Variants in RMND1 observed in about 807,000 individuals in gnomAD.
RMND1 encodes the protein required for meiotic nuclear division protein 1 homolog.
Under a neutral mutation model 54.0 loss-of-function variants are expected in RMND1, and 41 were observed. The ratio of observed to expected loss-of-function variants is 0.76; its 90% CI spans 0.59 to 0.98. The LOEUF (loss-of-function observed/expected upper bound fraction) is 0.98. Among genes scored for constraint, RMND1 ranks in the 50% least tolerant of loss-of-function variants. The pLI, the probability that RMND1 is intolerant of heterozygous loss-of-function variation, is 0.00. For missense variants in RMND1, 457 were observed against 532.0 expected, an observed-to-expected ratio of 0.86 and a Z score of 1.39; for synonymous variants, 183 against 181.7, an observed-to-expected ratio of 1.01 and a Z score of -0.06.
intron 2 of RMND1, among the ~76,000 whole-genome samples, chr6:151,437,337 T>TA (rs1780642711): frequency 6.6e-6 from 1 of 152,228 alleles, no homozygotes; most frequent in Non-Finnish European, 1.5e-5. Flanking sequence ...TTCTGTCACT[T>TA]ACATGTATCT....
chr6:151,443,635 C>T (rs1250071154), intron 2 of RMND1, among the ~76,000 whole-genome samples: 1 of 152,144 alleles, frequency 6.6e-6, no homozygotes, highest in Non-Finnish European at 1.5e-5. Context: ...TATTATTTCC[C>T]TGTGCTTTCA....
chr6:151,439,729 G>C (rs1019705024), intron 2 of RMND1, among the ~76,000 whole-genome samples: 3 of 152,066 alleles, frequency 2.0e-5, no homozygotes, highest in African/African-American at 7.2e-5. Context: ...GTGCAATCTT[G>C]GCTCATCACA....
chr6:151,407,143 G>T (rs1480375300), intron 10 of RMND1, among the ~76,000 whole-genome samples: 1 of 151,922 alleles, frequency 6.6e-6, no homozygotes, highest in African/African-American at 2.4e-5. Flanking sequence ...GCCAAAGTGA[G>T]ATCCTGTCTC....
At chr6:151,433,939 A>ACCCCCCCCC (rs143471784) in intron 3 of RMND1, among the ~76,000 whole-genome samples, 3 of 86,174 alleles carry the variant, frequency 3.5e-5, no homozygotes, top group Admixed American at 1.3e-4. Context: ...AACTCAAGGG[A>ACCCCCCCCC]CCCCCCCCCG....
intron 1 of RMND1, among the ~76,000 whole-genome samples, chr6:151,449,959 T>C (rs1207064014): frequency 6.6e-6 from 1 of 152,194 alleles, no homozygotes; most frequent in Admixed American, 6.5e-5. Context: ...TGCTCAATGG[T>C]GCACAGGCTG....
chr6:151,439,623 C>T (rs981877961), intron 2 of RMND1, among the ~76,000 whole-genome samples: 3 of 152,096 alleles, frequency 2.0e-5, no homozygotes, highest in African/African-American at 7.2e-5. Flanking sequence ...CTGTTAATGG[C>T]GGTGGCAGGC....
chr6:151,421,746 A>G (rs1371908715), intron 8 of RMND1, among the ~76,000 whole-genome samples: 2 of 152,180 alleles, frequency 1.3e-5, no homozygotes, highest in African/African-American at 4.8e-5. Context: ...ACTTTCTTAA[A>G]TCAGGAAAAG....
At chr6:151,416,420 C>CTTTTTTTTT (rs10557273) in intron 10 of RMND1, among the ~76,000 whole-genome samples, 1 of 93,706 alleles carries the variant, frequency 1.1e-5, no homozygotes, top group Non-Finnish European at 2.1e-5. Context: ...ATCACTACAG[C>CTTTTTTTTT]TTTTTTTTTT....
At chr6:151,447,408 C>T (rs555589651) in intron 1 of RMND1, among the ~76,000 whole-genome samples, 1 of 152,262 alleles carries the variant, frequency 6.6e-6, no homozygotes, top group South Asian at 2.1e-4. Context: ...GCTAAGTGCT[C>T]GGCTTCACCT....
intron 6 of RMND1, 138 bp from the exon 7 acceptor site, chr6:151,423,769 T>G: frequency 1.5e-6 from 1 of 657,816 alleles, no homozygotes; most frequent in Non-Finnish European, 2.7e-6. Flanking sequence ...TCTCATATCC[T>G]TTGGTCCAGG....
chr6:151,423,675 A>C, intron 6 of RMND1, 44 bp from the exon 7 acceptor site: 3 of 1,326,202 alleles, frequency 2.3e-6, no homozygotes, highest in Non-Finnish European at 3.3e-6. Context: ...CTTAAAAAGC[A>C]CTTTAACTTT....
chr6:151,410,180 G>A (rs1307055251), intron 10 of RMND1, among the ~76,000 whole-genome samples: 19 of 151,286 alleles, frequency 1.3e-4, no homozygotes, highest in Non-Finnish European at 1.3e-4. Context: ...TCAGCCTCCC[G>A]AGTAGCTGGG....
chr6:151,405,602 TAAC>T, intron 11 of RMND1, 115 bp downstream of exon 11: 1 of 644,760 alleles, frequency 1.6e-6, no homozygotes, highest in Non-Finnish European at 2.7e-6. Context: ...TTAGTAATGA[TAAC>T]AAAGTCAGCC....
chr6:151,414,855 A>G (rs1289341670), intron 10 of RMND1, among the ~76,000 whole-genome samples: 1 of 152,216 alleles, frequency 6.6e-6, no homozygotes, highest in Non-Finnish European at 1.5e-5. Context: ...TCCGTCAGAA[A>G]CCATGGAGGT....
rs528526150 is a variant in RMND1, at chr6:151,426,790, A to G, written c.830+692T>C. Among the ~76,000 whole-genome samples the G allele has an allele frequency of 5.3e-5, 8 of 151,624 alleles. No individual in the cohort carries two copies. The South Asian group carries it at 1.7e-3, about 32-fold the overall frequency. On this transcript the variant is annotated intron_variant, in intron 6 of 11. Transcript: ENST00000444024. ...AATCTTTTTCCTCTTTTTTTTTGAG[A>G]CGGAGTTTCACTCTTGTCACCCTGG...
At position 151,427,355 on chromosome 6, in the gene RMND1, G is replaced by A. The variant is rs1188691606; in HGVS notation, c.830+127C>T. 1.8e-4 allele frequency: 94 copies of A among 520,960 alleles called. 1 individual carries two copies. The highest frequency in any genetic ancestry group is 3.1e-4 in the Non-Finnish European group (91 of 291,952). The allele number at this position is 520,960 out of a possible 1,614,324, so 32.3% of individuals were successfully genotyped here. A position where few individuals can be genotyped will look rare whatever the true frequency, so the allele number is the denominator to read the frequency against. Reference sequence around the variant, plus strand: ...TGTGCCACTGCACTCCATCCTGGGCGACAGAGTGAGACTCCGTCTCAAAAA... The same window carrying A: ...TGTGCCACTGCACTCCATCCTGGGCAACAGAGTGAGACTCCGTCTCAAAAA... On this transcript the variant is annotated intron_variant, in intron 6 of 11. Transcript: ENST00000444024.
chr6:151,445,277 A>T lies in RMND1; in HGVS notation c.504+31T>A, dbSNP rs368225284. On this transcript the variant is annotated intron_variant, in intron 2 of 11. Transcript: ENST00000444024. Reference sequence around the variant, plus strand: ...GGTTTAGCATGAGCAATGATCACTAAGCACGAGAGCCACGGCCACCCCTAC... The same window carrying T: ...GGTTTAGCATGAGCAATGATCACTATGCACGAGAGCCACGGCCACCCCTAC... The T allele has an allele frequency of 6.1e-5, 96 of 1,573,194 alleles. No homozygotes were observed. In the African/African-American group the frequency reaches 1.1e-3, roughly 19 times the overall value.
intron 10 of RMND1, among the ~76,000 whole-genome samples, chr6:151,414,643 T>C (rs9371515): frequency 0.33 from 50,217 of 151,900 alleles, 9,670 homozygotes; most frequent in African/African-American, 0.54. Context: ...CTGAAAAATA[T>C]AATAAATGAA....
intron 9 of RMND1, among the ~76,000 whole-genome samples, chr6:151,419,866 ATGCATGTGTGTGCAAGCAAACACATG>A (rs796630254): frequency 3.3e-5 from 5 of 152,278 alleles, no homozygotes; most frequent in African/African-American, 4.8e-5. Flanking sequence ...GTATTCATAC[ATGCATGTGTGTGCAAGCAAACACATG>A]TACATGTGTA....
Sources: gnomAD v4.1 joint callset for allele counts (sites outside exome capture counted in the v4.1 genomes callset) on GRCh38, gnomAD v4.1.1 for gene constraint, MANE v1.5 for transcripts, NCBI Gene and HGNC (gene_info 2026-07-23, HGNC 2026-07-21) for gene names.